The following GALNT16 variants were observed in gnomAD, a reference collection of about 807,000 sequenced individuals.
The protein encoded by GALNT16 is polypeptide N-acetylgalactosaminyltransferase 16, also known as UDP-GalNAc:polypeptide N-acetylgalactosaminyltransferase-like protein 1.
GALNT16 carries 40 observed loss-of-function variants against 76.1 expected under a neutral mutation model. The observed-to-expected ratio is 0.53, with a 90% CI of 0.41 to 0.68. GALNT16 has a LOEUF of 0.68. Among genes scored for constraint, GALNT16 ranks in the 30% least tolerant of loss-of-function variants. GALNT16 has a pLI of 0.00. For synonymous variants in GALNT16, 276 were observed against 285.2 expected, an observed-to-expected ratio of 0.97 and a Z score of 0.32; for missense variants, 621 against 731.9, an observed-to-expected ratio of 0.85 and a Z score of 1.75.
the GALNT16 span, among the ~76,000 whole-genome samples, chr14:69,382,789 CAAAAG>C: frequency 1.5e-4 from 15 of 103,168 alleles, no homozygotes; most frequent in African/African-American, 5.5e-4. Flanking sequence ...ACTCTATCTC[CAAAAG>C]AAAAAAAAAA....
At chr14:69,342,056 C>T (rs1207685996) in intron 12 of GALNT16, among the ~76,000 whole-genome samples, 1 of 152,162 alleles carries the variant, frequency 6.6e-6, no homozygotes, top group African/African-American at 2.4e-5. Context: ...GACATTCGTC[C>T]CCTTTAGCCC....
At chr14:69,297,341 C>T (rs1291662423) in intron 1 of GALNT16, among the ~76,000 whole-genome samples, 1 of 152,186 alleles carries the variant, frequency 6.6e-6, no homozygotes, top group African/African-American at 2.4e-5. Context: ...CATAATAGTT[C>T]TGTTTTTTAG....
intron 1 of GALNT16, among the ~76,000 whole-genome samples, chr14:69,315,628 T>A (rs2045088830): frequency 1.3e-5 from 2 of 152,194 alleles, no homozygotes; most frequent in Non-Finnish European, 2.9e-5. Context: ...GGCCTGATAT[T>A]TTGGAATGGA....
intron 12 of GALNT16, 68 bp from the exon 13 acceptor site, chr14:69,346,972 G>C: frequency 2.5e-6 from 4 of 1,594,856 alleles, no homozygotes; most frequent in East Asian, 4.5e-5. Context: ...GGATGCTGAC[G>C]TCTGGCAGAG....
Position 69,325,900 on chromosome 14 carries a change from C to T in GALNT16, c.503-62C>T. On this transcript the variant is annotated intron_variant, in intron 4 of 14. Transcript: ENST00000448469. Reference sequence around the variant, plus strand: ...AGTATGGGGCAATTTTCATGGCAGCCAAACCACTAGTGGCCTGATGCCCAT... The same window carrying T: ...AGTATGGGGCAATTTTCATGGCAGCTAAACCACTAGTGGCCTGATGCCCAT... 5.2e-6 allele frequency: 7 copies of T among 1,358,796 alleles called. No homozygotes were observed. In the South Asian group the frequency reaches 8.2e-5, roughly 16 times the overall value. 84.2% of individuals were successfully genotyped at this position (1,358,796 alleles called of 1,614,324 possible).
At chr14:69,316,531 G>T (rs1216995940) in intron 1 of GALNT16, among the ~76,000 whole-genome samples, 1 of 152,194 alleles carries the variant, frequency 6.6e-6, no homozygotes, top group Admixed American at 6.5e-5. Context: ...TGAGAGGGTC[G>T]GGTTGGGGTC....
At chr14:69,299,980 T>C (rs1410011637) in intron 1 of GALNT16, among the ~76,000 whole-genome samples, 3 of 152,196 alleles carry the variant, frequency 2.0e-5, no homozygotes. Context: ...AGAAGCAGGA[T>C]GAAAGGATGA....
Position 69,333,014 on chromosome 14 carries a change from G to A in GALNT16, c.779-71G>A. The A allele has an allele frequency of 1.9e-6, 2 of 1,025,984 alleles. No individual in the cohort carries two copies. The highest frequency in any genetic ancestry group is 3.1e-6 in the Non-Finnish European group (2 of 643,066). 63.6% of individuals were successfully genotyped at this position (1,025,984 alleles called of 1,614,324 possible). A position where few individuals can be genotyped will look rare whatever the true frequency, so the allele number is the denominator to read the frequency against. On this transcript the variant is annotated intron_variant, in intron 7 of 14. Coordinates refer to ENST00000448469, the MANE Select transcript of GALNT16 (RefSeq NM_001168368.2). This position sits in a 1 kb window ranked among gnomAD's most constrained non-coding sequence, Gnocchi z 4.2. ...CTGATCAGGGGAGACTCCGAGGGGT[G>A]GTGGAGTGAAGGGTCTCAGCAGCCC... is the stretch of plus-strand genomic sequence containing the variant.
intron 1 of GALNT16, among the ~76,000 whole-genome samples, chr14:69,268,148 C>T (rs2044363632): frequency 1.3e-5 from 2 of 152,150 alleles, no homozygotes; most frequent in South Asian, 2.1e-4. Flanking sequence ...TGCACACAGG[C>T]ATGTATGCAG....
chr14:69,286,558 C>T (rs1365519236), intron 1 of GALNT16, among the ~76,000 whole-genome samples: 1 of 152,168 alleles, frequency 6.6e-6, no homozygotes, highest in African/African-American at 2.4e-5. Context: ...CCTGCCTCAG[C>T]CTTCCAAAGT....
At chr14:69,270,266 G>A (rs1330792727) in intron 1 of GALNT16, among the ~76,000 whole-genome samples, 1 of 152,144 alleles carries the variant, frequency 6.6e-6, no homozygotes, top group East Asian at 1.9e-4. Context: ...TCTCGGGCAG[G>A]TGGTTGATAA....
chr14:69,273,403 C>G (rs1396083208), intron 1 of GALNT16, among the ~76,000 whole-genome samples: 3 of 152,208 alleles, frequency 2.0e-5, no homozygotes, highest in Non-Finnish European at 4.4e-5. Flanking sequence ...GAAGTGGCAG[C>G]CTGGAGCACT....
chr14:69,371,262 A>AT, the GALNT16 span, among the ~76,000 whole-genome samples: 40 of 150,518 alleles, frequency 2.7e-4, no homozygotes, highest in South Asian at 1.9e-3. Context: ...TAATTTTTTT[A>AT]TTTTTTTTTG....
intron 11 of GALNT16, among the ~76,000 whole-genome samples, chr14:69,341,171 T>C (rs75823089): frequency 5.9e-5 from 9 of 152,270 alleles, no homozygotes; most frequent in South Asian, 4.1e-4. Context: ...GAGGCTCAGA[T>C]AGCTGGTGAC....
At chr14:69,317,022 G>A (rs2045112058) in intron 1 of GALNT16, among the ~76,000 whole-genome samples, 3 of 152,144 alleles carry the variant, frequency 2.0e-5, no homozygotes, top group African/African-American at 7.2e-5. Context: ...AAATGTCAGT[G>A]TCATGTGACA....
At chr14:69,338,190 G>A (rs1408530295) in intron 9 of GALNT16, among the ~76,000 whole-genome samples, 1 of 152,208 alleles carries the variant, frequency 6.6e-6, no homozygotes, top group African/African-American at 2.4e-5. Flanking sequence ...GGGAGGTTGG[G>A]GCCAGCCCAA....
chr14:69,374,695 T>G, the GALNT16 span, among the ~76,000 whole-genome samples: 1 of 152,178 alleles, frequency 6.6e-6, no homozygotes, highest in South Asian at 2.1e-4. Flanking sequence ...TGTCACTGAG[T>G]GATGTGTTAG....
At chr14:69,278,339 T>A (rs2044500067) in intron 1 of GALNT16, among the ~76,000 whole-genome samples, 1 of 152,214 alleles carries the variant, frequency 6.6e-6, no homozygotes, top group South Asian at 2.1e-4. Flanking sequence ...AATATGTGTT[T>A]AATTTACAAG....
intron 9 of GALNT16, 122 bp from the exon 10 acceptor site, chr14:69,338,529 C>G (rs567508249): frequency 7.1e-7 from 1 of 1,399,028 alleles, no homozygotes; most frequent in African/African-American, 1.4e-5. Context: ...TGAGCAGGCC[C>G]AGGAGCCCCG....
Sources: allele counts gnomAD v4.1 joint callset (sites outside exome capture counted in the v4.1 genomes callset), GRCh38; gene constraint gnomAD v4.1.1; non-coding constraint Gnocchi (gnomAD v3.1); transcripts MANE v1.5; gene names NCBI Gene and HGNC (gene_info 2026-07-23, HGNC 2026-07-21).